The following MEOX2 variants were observed in gnomAD, a reference collection of about 807,000 sequenced individuals.
MEOX2 encodes homeobox protein MOX-2.
In MEOX2, 11 loss-of-function variants were observed where a neutral mutation model predicts 27.0. That is an observed-to-expected ratio of 0.41 (90% CI 0.26 to 0.68). The LOEUF is 0.68. Ranked by LOEUF, MEOX2 falls within the 30% of genes least tolerant of loss-of-function variation. The probability of loss-of-function intolerance (pLI) is 0.33; values close to 1 mark genes in which losing one functional copy is unlikely to be tolerated. For synonymous variants in MEOX2, 189 were observed against 155.4 expected, an observed-to-expected ratio of 1.22 and a Z score of -1.61; for missense variants, 436 against 385.4, an observed-to-expected ratio of 1.13 and a Z score of -1.10.
At chr7:15,640,141 CTA>C (rs1378937470) in intron 1 of MEOX2, among the ~76,000 whole-genome samples, 1 of 151,916 alleles carries the variant, frequency 6.6e-6, no homozygotes, top group African/African-American at 2.4e-5. Flanking sequence ...TTTGTATTAT[CTA>C]TGATTCTATA....
chr7:15,674,172 A>G lies in MEOX2; in HGVS notation c.517+11714T>C, dbSNP rs866375279. Among the ~76,000 whole-genome samples the G allele has an allele frequency of 2.6e-5, 4 of 152,258 alleles. No individual in the cohort carries two copies. The South Asian group carries it at 6.2e-4, about 24-fold the overall frequency. Reference sequence around the variant, plus strand: ...CATGTGTTTCAAAGCCAATAATTCAACATTTGTATTTTAAGTGTAGAATAA... The same window carrying G: ...CATGTGTTTCAAAGCCAATAATTCAGCATTTGTATTTTAAGTGTAGAATAA... On this transcript the variant is annotated intron_variant, in intron 1 of 2. Transcript: ENST00000262041.
intron 2 of MEOX2, among the ~76,000 whole-genome samples, chr7:15,620,285 G>T (rs112366223): frequency 1.3e-5 from 2 of 152,156 alleles, no homozygotes; most frequent in South Asian, 4.1e-4. Flanking sequence ...CTAAAGTGTG[G>T]CTACATAGGT....
At position 15,632,662 on chromosome 7, in the gene MEOX2, G is replaced by A. The variant is rs3801418; in HGVS notation, c.518-5744C>T. ...TAGGAATATAATGCAATTTACTTGCGTCAAATTTGACACAGATTTGATTCT... is the reference window on the plus strand; with the variant it reads ...TAGGAATATAATGCAATTTACTTGCATCAAATTTGACACAGATTTGATTCT... On this transcript the variant is annotated intron_variant, in intron 1 of 2. Coordinates refer to ENST00000262041, the MANE Select transcript of MEOX2 (RefSeq NM_005924.5). Among the ~76,000 whole-genome samples the A allele has an allele frequency of 4.4e-4, 67 of 151,950 alleles. 2 individuals are homozygous for A. The East Asian group carries it at 7.9e-3, about 18-fold the overall frequency.
intron 1 of MEOX2, among the ~76,000 whole-genome samples, chr7:15,637,484 A>T (rs888332997): frequency 6.6e-6 from 1 of 151,804 alleles, no homozygotes; most frequent in Non-Finnish European, 1.5e-5. Context: ...CAAAAAGAGG[A>T]TGTGCTTACT....
chr7:15,649,715 G>C (rs1781707427), intron 1 of MEOX2, among the ~76,000 whole-genome samples: 1 of 152,078 alleles, frequency 6.6e-6, no homozygotes, highest in African/African-American at 2.4e-5. Flanking sequence ...GAGGGACGAA[G>C]TTGAACATTT....
intron 1 of MEOX2, among the ~76,000 whole-genome samples, chr7:15,669,967 A>AG (rs1352991360): frequency 1.3e-5 from 2 of 152,188 alleles, no homozygotes; most frequent in Admixed American, 1.3e-4. Context: ...ATCCTTTCCC[A>AG]GAAAAATGTC....
intron 2 of MEOX2, among the ~76,000 whole-genome samples, chr7:15,616,617 G>A (rs1191573245): frequency 6.6e-6 from 1 of 151,644 alleles, no homozygotes; most frequent in Non-Finnish European, 1.5e-5. Flanking sequence ...TTTTAAGACA[G>A]CTAAATTATC....
intron 1 of MEOX2, among the ~76,000 whole-genome samples, chr7:15,664,628 A>T (rs1169679409): frequency 6.6e-6 from 1 of 152,206 alleles, no homozygotes; most frequent in African/African-American, 2.4e-5. Flanking sequence ...AAAATACTTC[A>T]GGGCTAATTC....
chr7:15,672,127 C>A (rs773583007), intron 1 of MEOX2, among the ~76,000 whole-genome samples: 1 of 151,930 alleles, frequency 6.6e-6, no homozygotes, highest in Non-Finnish European at 1.5e-5. Context: ...ACAAAGTGAT[C>A]AATTGAAAAA....
At chr7:15,668,739 G>T (rs1362525824) in intron 1 of MEOX2, among the ~76,000 whole-genome samples, 1 of 152,076 alleles carries the variant, frequency 6.6e-6, no homozygotes, top group Non-Finnish European at 1.5e-5. Flanking sequence ...GCCTCCCAAA[G>T]TGCTGAGATT....
chr7:15,611,713 C>G lies in MEOX2; in HGVS notation c.*674G>C, dbSNP rs1311519100. ...ACAGGTAAGCACATACTGATTGTCTCTGGGATGACAAAATGTATAAAAAAG... is the reference window on the plus strand; with the variant it reads ...ACAGGTAAGCACATACTGATTGTCTGTGGGATGACAAAATGTATAAAAAAG... On this transcript the variant is annotated 3_prime_UTR_variant, in exon 3 of 3. Coordinates refer to ENST00000262041, the MANE Select transcript of MEOX2 (RefSeq NM_005924.5). 2.0e-5 allele frequency: 3 copies of G among 153,128 alleles called. No individual in the cohort carries two copies. Among genetic ancestry groups the G allele is most frequent in the South Asian group, 4.1e-4 (2 of 4,856 alleles). The allele number at this position is 153,128 out of a possible 1,614,324, so 9.5% of individuals were successfully genotyped here.
At chr7:15,664,234 G>A (rs1484140379) in intron 1 of MEOX2, among the ~76,000 whole-genome samples, 1 of 152,018 alleles carries the variant, frequency 6.6e-6, no homozygotes, top group Non-Finnish European at 1.5e-5. Flanking sequence ...TTTAATTTTG[G>A]GATATGCTTT....
At chr7:15,618,191 T>C (rs1444007118) in intron 2 of MEOX2, among the ~76,000 whole-genome samples, 2 of 152,046 alleles carry the variant, frequency 1.3e-5, no homozygotes, top group Non-Finnish European at 2.9e-5. Flanking sequence ...TCTTTCACCA[T>C]ATTTACAGTA....
chr7:15,685,894 T>A lies in MEOX2; in HGVS notation c.509A>T (p.Asp170Val). 3 of 1,599,680 alleles carry A rather than the reference T, an allele frequency of 1.9e-6. No individual in the cohort carries two copies. Among genetic ancestry groups the A allele is most frequent in the Non-Finnish European group, 2.6e-6 (3 of 1,173,774 alleles). ...EKRSGGKRKS[D>V]SSDSQEGNYK... ...GCCTGGCGCGCCCTTACCTGAGCTGTCGCTTTTCCTCTTGCCGCCGCTTCG... is the reference window on the plus strand; with the variant it reads ...GCCTGGCGCGCCCTTACCTGAGCTGACGCTTTTCCTCTTGCCGCCGCTTCG... Residue 170 changes from aspartate to valine, a missense_variant, in exon 1 of 3, where the codon GAC becomes GTC. By Grantham distance (152) the Asp-to-Val change is radical. Coordinates refer to ENST00000262041, the MANE Select transcript of MEOX2 (RefSeq NM_005924.5).
At chr7:15,661,951 A>G (rs1471354598) in intron 1 of MEOX2, among the ~76,000 whole-genome samples, 1 of 152,172 alleles carries the variant, frequency 6.6e-6, no homozygotes, top group East Asian at 1.9e-4. Context: ...TAAATAGGGT[A>G]TAATAAAATA....
At chr7:15,685,834 G>T in intron 1 of MEOX2, 52 bp downstream of exon 1, 2 of 1,536,894 alleles carry the variant, frequency 1.3e-6, no homozygotes, top group Non-Finnish European at 1.7e-6. Flanking sequence ...GTATCTCTCC[G>T]CCCCTTTTCC....
At chr7:15,645,335 T>G (rs765311599) in intron 1 of MEOX2, among the ~76,000 whole-genome samples, 3 of 152,168 alleles carry the variant, frequency 2.0e-5, no homozygotes, top group Non-Finnish European at 2.9e-5. Flanking sequence ...CATTACATAG[T>G]AAGCAGTGTT....
intron 1 of MEOX2, among the ~76,000 whole-genome samples, chr7:15,685,578 A>G (rs1782366654): frequency 6.6e-6 from 1 of 152,146 alleles, no homozygotes; most frequent in Non-Finnish European, 1.5e-5. Context: ...CAGCGCTGGG[A>G]TGGAAGGTCA....
intron 1 of MEOX2, among the ~76,000 whole-genome samples, chr7:15,660,630 ACT>A (rs1219433208): frequency 1.3e-5 from 2 of 152,032 alleles, no homozygotes; most frequent in Admixed American, 1.3e-4. Context: ...GAACAAAATC[ACT>A]CTGATTTGAG....
Sources: allele counts gnomAD v4.1 joint callset (sites outside exome capture counted in the v4.1 genomes callset), GRCh38; gene constraint gnomAD v4.1.1; transcripts MANE v1.5; gene names NCBI Gene and HGNC (gene_info 2026-07-23, HGNC 2026-07-21).